GDAP2: variants seen among roughly 807,000 people sequenced by gnomAD.
GDAP2 encodes ganglioside induced differentiation associated protein 2.
Under a neutral mutation model 67.0 loss-of-function variants are expected in GDAP2, and 51 were observed. The observed-to-expected ratio is 0.76, with a 90% confidence interval of 0.61 to 0.96. The LOEUF is 0.96. Among genes scored for constraint, GDAP2 ranks in the 40% least tolerant of loss-of-function variants. GDAP2 has a pLI of 0.00. For synonymous variants in GDAP2, 203 were observed against 207.3 expected, an observed-to-expected ratio of 0.98 and a Z score of 0.18; for missense variants, 547 against 588.3, an observed-to-expected ratio of 0.93 and a Z score of 0.73.
intron 1 of GDAP2, among the ~76,000 whole-genome samples, chr1:117,920,968 A>G (rs1379485482): frequency 6.6e-6 from 1 of 152,176 alleles, no homozygotes; most frequent in Admixed American, 6.5e-5. Context: ...ACAGGAGTTG[A>G]CAATTTACAG....
In GDAP2 at chr1:117,869,380, A is replaced by C. The variant is rs1648180053; in HGVS notation, c.*1189T>G. ...ATCAGGGTTGGAATTTTACACTAAC[A>C]GGTATTGCCACACAAAAAGAAAAAT... On this transcript the variant is annotated 3_prime_UTR_variant, in exon 14 of 14. Coordinates refer to ENST00000369443, the MANE Select transcript of GDAP2 (RefSeq NM_017686.4). The C allele has an allele frequency of 6.6e-6, 1 of 152,312 alleles. No individual in the cohort carries two copies. The highest frequency in any genetic ancestry group is 2.4e-5 in the African/African-American group (1 of 41,450). 9.4% of individuals were successfully genotyped at this position (152,312 alleles called of 1,614,324 possible). A position where few individuals can be genotyped will look rare whatever the true frequency, so the allele number is the denominator to read the frequency against.
chr1:117,921,462 G>T (rs1232948781), intron 1 of GDAP2, among the ~76,000 whole-genome samples: 3 of 152,204 alleles, frequency 2.0e-5, no homozygotes, highest in Admixed American at 2.0e-4. Context: ...AAGATACAAT[G>T]AGAGAGCAAC....
chr1:117,871,941 A>G (rs1327563190), intron 13 of GDAP2, among the ~76,000 whole-genome samples: 2 of 152,180 alleles, frequency 1.3e-5, no homozygotes, highest in African/African-American at 2.4e-5. Flanking sequence ...CAATCTATCT[A>G]TCTCACAAAG....
intron 6 of GDAP2, among the ~76,000 whole-genome samples, chr1:117,900,590 AC>A (rs962873806): frequency 2.1e-4 from 32 of 152,098 alleles, no homozygotes; most frequent in African/African-American, 7.5e-4. Flanking sequence ...ACATGGTGAA[AC>A]CCCGTCTCTA....
At chr1:117,898,972 A>G (rs977359717) in intron 7 of GDAP2, 85 bp downstream of exon 7, 18 of 978,988 alleles carry the variant, frequency 1.8e-5, no homozygotes, top group Admixed American at 7.6e-5. Flanking sequence ...CCAAAGGTCA[A>G]GCTGAATTTC....
Position 117,901,194 on chromosome 1 carries a change from C to T in GDAP2, c.637-1978G>A, listed in dbSNP as rs151175123. Among the ~76,000 whole-genome samples, 486 of 152,206 alleles carry T rather than the reference C, an allele frequency of 3.2e-3. 2 individuals carry two copies. The highest frequency in any genetic ancestry group is 0.01 in the African/African-American group (428 of 41,550). ...GTATCAGTACTTCATTCCTTTTTTACGGCTGAATAATATTCTAACACACAT... is the reference window on the plus strand; with the variant it reads ...GTATCAGTACTTCATTCCTTTTTTATGGCTGAATAATATTCTAACACACAT... On this transcript the variant is annotated intron_variant, in intron 6 of 13. Transcript: ENST00000369443.
At chr1:117,907,329 G>A (rs1016783954) in intron 5 of GDAP2, among the ~76,000 whole-genome samples, 10 of 152,036 alleles carry the variant, frequency 6.6e-5, no homozygotes, top group African/African-American at 2.4e-4. Flanking sequence ...GTGCTGGATA[G>A]GTATTACCTC....
rs1472807835 is a variant in GDAP2, at chr1:117,869,075, C to T, written c.*1494G>A. ...TAGTTTGGGCAGAAAAGAATGGGAC[C>T]CTTGGAAGCACTGATCTGGAGCACA... On this transcript the variant is annotated 3_prime_UTR_variant, in exon 14 of 14. Transcript: ENST00000369443. The T allele has an allele frequency of 1.3e-5, 2 of 151,856 alleles. No individual in the cohort carries two copies. The highest frequency in any genetic ancestry group is 4.8e-5 in the African/African-American group (2 of 41,318). The allele number at this position is 151,856 out of a possible 1,614,324, so 9.4% of individuals were successfully genotyped here.
intron 8 of GDAP2, among the ~76,000 whole-genome samples, chr1:117,892,854 T>C (rs571753067): frequency 1.3e-5 from 2 of 152,114 alleles, no homozygotes; most frequent in Non-Finnish European, 2.9e-5. Flanking sequence ...CCAGGGAAAA[T>C]TCTGTCTTTG....
chr1:117,906,292 T>C (rs1003139255), intron 6 of GDAP2, among the ~76,000 whole-genome samples: 1 of 152,190 alleles, frequency 6.6e-6, no homozygotes, highest in Non-Finnish European at 1.5e-5. Flanking sequence ...GCAACAACAG[T>C]TATAAAAAAT....
At chr1:117,883,312 C>A in intron 11 of GDAP2, 176 bp downstream of exon 11, 2 of 507,782 alleles carry the variant, frequency 3.9e-6, no homozygotes, top group Non-Finnish European at 7.0e-6. Flanking sequence ...TACTTTAATG[C>A]AAAATAAGTT....
chr1:117,888,282 T>C lies in GDAP2; in HGVS notation c.954-508A>G, dbSNP rs543094144. On this transcript the variant is annotated intron_variant, in intron 8 of 13. Transcript: ENST00000369443. Reference sequence around the variant, plus strand: ...AAAAACAGGCAAGTGCTGTACATGTTATGTGGGATCACAAAGGAGTTGGGT... The same window carrying C: ...AAAAACAGGCAAGTGCTGTACATGTCATGTGGGATCACAAAGGAGTTGGGT... Among the ~76,000 whole-genome samples the C allele has an allele frequency of 1.6e-4, 24 of 152,268 alleles. No individual in the cohort carries two copies. In the South Asian group the frequency reaches 5.0e-3, roughly 32 times the overall value.
intron 12 of GDAP2, among the ~76,000 whole-genome samples, chr1:117,881,543 A>C (rs1180733739): frequency 2.0e-5 from 3 of 152,154 alleles, no homozygotes; most frequent in Non-Finnish European, 4.4e-5. Flanking sequence ...AGAGGAGGGA[A>C]GTGTATTCTG....
In GDAP2 at chr1:117,866,498, G is replaced by A. The variant is rs1386867575; in HGVS notation, c.*4071C>T. ...TAATTATATGCCAAGAAGCATTAGT[G>A]CCAGCACAGTTAAAACACTCTAGCG... is the stretch of plus-strand genomic sequence containing the variant. On this transcript the variant is annotated 3_prime_UTR_variant, in exon 14 of 14. Coordinates refer to ENST00000369443, the MANE Select transcript of GDAP2 (RefSeq NM_017686.4). 1 of 152,098 alleles carries A rather than the reference G, an allele frequency of 6.6e-6. No homozygotes were observed. The highest frequency in any genetic ancestry group is 1.5e-5 in the Non-Finnish European group (1 of 68,030). 9.4% of individuals were successfully genotyped at this position (152,098 alleles called of 1,614,324 possible). A position where few individuals can be genotyped will look rare whatever the true frequency, so the allele number is the denominator to read the frequency against.
intron 1 of GDAP2, among the ~76,000 whole-genome samples, chr1:117,922,001 G>A (rs1650268829): frequency 1.3e-5 from 2 of 152,000 alleles, no homozygotes; most frequent in African/African-American, 2.4e-5. Flanking sequence ...TACCGAGAAG[G>A]GAAAAACTGG....
At chr1:117,884,151 G>A (rs1648767235) in intron 10 of GDAP2, among the ~76,000 whole-genome samples, 1 of 152,148 alleles carries the variant, frequency 6.6e-6, no homozygotes, top group South Asian at 2.1e-4. Flanking sequence ...TTCACGTTGA[G>A]AGCTAATTTT....
intron 10 of GDAP2, 78 bp downstream of exon 10, chr1:117,886,499 G>A: frequency 2.5e-6 from 2 of 791,282 alleles, no homozygotes; most frequent in Non-Finnish European, 4.5e-6. Context: ...TCATATTGTA[G>A]GCCTTGATTC....
chr1:117,889,422 C>T (rs1648990027), intron 8 of GDAP2, among the ~76,000 whole-genome samples: 1 of 151,850 alleles, frequency 6.6e-6, no homozygotes, highest in Non-Finnish European at 1.5e-5. Context: ...TCTCTTATTC[C>T]TCTCGTCTAA....
intron 1 of GDAP2, among the ~76,000 whole-genome samples, chr1:117,921,822 G>C (rs1450972482): frequency 6.6e-6 from 1 of 152,174 alleles, no homozygotes; most frequent in Non-Finnish European, 1.5e-5. Flanking sequence ...AATAGAAAAT[G>C]ACTGCAATAA....
Sources: allele counts gnomAD v4.1 joint callset (sites outside exome capture counted in the v4.1 genomes callset), GRCh38; gene constraint gnomAD v4.1.1; transcripts MANE v1.5; gene names NCBI Gene and HGNC (gene_info 2026-07-23, HGNC 2026-07-21).